The following PARD3B variants were observed in gnomAD, a reference collection of about 807,000 sequenced individuals.
The protein encoded by PARD3B is par-3 family cell polarity regulator beta.
PARD3B carries 103 observed loss-of-function variants against 130.2 expected under a neutral mutation model. The observed-to-expected ratio is 0.79, with a 90% CI of 0.67 to 0.93. The LOEUF (loss-of-function observed/expected upper bound fraction) is 0.93, where lower values mean the gene tolerates loss of function less well. PARD3B is among the 40% of genes least tolerant of loss of function. The pLI is 0.00. For synonymous variants in PARD3B, 583 were observed against 553.2 expected, an observed-to-expected ratio of 1.05 and a Z score of -0.76; for missense variants, 1,609 against 1,499.2, an observed-to-expected ratio of 1.07 and a Z score of -1.21.
chr2:205,062,747 G>T (rs933734479), intron 4 of PARD3B, among the ~76,000 whole-genome samples: 1 of 152,112 alleles, frequency 6.6e-6, no homozygotes, highest in Non-Finnish European at 1.5e-5. Context: ...TAAAGGTAAT[G>T]TACAGTATAT....
At chr2:204,667,084 A>G (rs1026248996) in intron 1 of PARD3B, among the ~76,000 whole-genome samples, 4 of 152,198 alleles carry the variant, frequency 2.6e-5, no homozygotes, top group African/African-American at 9.6e-5. Flanking sequence ...GGAAATGCTG[A>G]GTAGGCCATG....
chr2:204,560,456 G>A (rs1032631109), intron 1 of PARD3B, among the ~76,000 whole-genome samples: 6 of 152,072 alleles, frequency 3.9e-5, no homozygotes, highest in African/African-American at 1.4e-4. Context: ...AAGGTGCTTT[G>A]GGGCAAGGGG....
rs75455338 is a variant in PARD3B at position 204,557,178 on chromosome 2, C to T, written c.120+11059C>T. 6.6e-4 allele frequency among the ~76,000 whole-genome samples: 100 copies of T among 152,126 alleles called. No individual in the cohort carries two copies. In the East Asian group the frequency reaches 0.019, roughly 29 times the overall value. On this transcript the variant is annotated intron_variant, in intron 1 of 22. Transcript: ENST00000406610. The stretch of plus-strand genomic sequence containing the variant: ...CATTCACCACATGGCTTCACCTACC[C>T]GTAAATACACACTTCTAGCCCTGAA...
At chr2:205,209,888 T>C (rs1318119587) in intron 15 of PARD3B, among the ~76,000 whole-genome samples, 1 of 152,070 alleles carries the variant, frequency 6.6e-6, no homozygotes, top group African/African-American at 2.4e-5. Context: ...TTGTACATTT[T>C]AAAATAACTA....
At chr2:205,047,871 C>T in intron 4 of PARD3B, 181 bp downstream of exon 4, 1 of 470,866 alleles carries the variant, frequency 2.1e-6, no homozygotes, top group Non-Finnish European at 3.7e-6. Flanking sequence ...ATAGCGATAG[C>T]TATTACGTAT....
chr2:204,952,358 G>A (rs962575163), intron 2 of PARD3B, among the ~76,000 whole-genome samples: 1 of 152,126 alleles, frequency 6.6e-6, no homozygotes, highest in Non-Finnish European at 1.5e-5. Context: ...TCTCTTAAGG[G>A]ACTATCAAAG....
chr2:205,013,275 T>A (rs935468527), intron 3 of PARD3B, among the ~76,000 whole-genome samples: 1 of 152,222 alleles, frequency 6.6e-6, no homozygotes, highest in African/African-American at 2.4e-5. Context: ...CGGTGCTCTT[T>A]TGTTCGTCTG....
intron 4 of PARD3B, among the ~76,000 whole-genome samples, chr2:205,062,090 C>G (rs1335470023): frequency 6.6e-6 from 1 of 152,018 alleles, no homozygotes; most frequent in East Asian, 1.9e-4. Flanking sequence ...ACCTTCCTCA[C>G]TTGTTTACAG....
chr2:205,267,188 A>G (rs565720164), intron 16 of PARD3B, among the ~76,000 whole-genome samples: 2 of 152,198 alleles, frequency 1.3e-5, no homozygotes, highest in South Asian at 4.1e-4. Context: ...TCCCCATGCT[A>G]TTTCTCCATT....
intron 2 of PARD3B, among the ~76,000 whole-genome samples, chr2:204,922,135 G>T (rs565383715): frequency 2.9e-4 from 44 of 152,070 alleles, no homozygotes; most frequent in Non-Finnish European, 5.9e-4. Context: ...TATCTAAATG[G>T]CAAAGAACAC....
chr2:204,822,867 C>T (rs2043419678), intron 2 of PARD3B, among the ~76,000 whole-genome samples: 1 of 152,170 alleles, frequency 6.6e-6, no homozygotes, highest in Admixed American at 6.5e-5. Flanking sequence ...TAACTTTCCC[C>T]ATTTTTAAGG....
intron 2 of PARD3B, among the ~76,000 whole-genome samples, chr2:204,833,746 G>C (rs2043921626): frequency 6.6e-6 from 1 of 152,146 alleles, no homozygotes; most frequent in Non-Finnish European, 1.5e-5. Context: ...GGAACTGTGA[G>C]TCCATTAGAT....
chr2:204,568,110 G>C (rs2031784383), intron 1 of PARD3B, among the ~76,000 whole-genome samples: 1 of 152,168 alleles, frequency 6.6e-6, no homozygotes, highest in East Asian at 1.9e-4. Flanking sequence ...ACTTGAGAAA[G>C]AGTTTTGACT....
At chr2:204,935,697 T>C (rs1688401512) in intron 2 of PARD3B, among the ~76,000 whole-genome samples, 1 of 152,178 alleles carries the variant, frequency 6.6e-6, no homozygotes, top group Non-Finnish European at 1.5e-5. Context: ...TACATATTTG[T>C]TAAAAATAAG....
intron 4 of PARD3B, among the ~76,000 whole-genome samples, chr2:205,092,056 T>A (rs16836922): frequency 0.031 from 4,786 of 152,060 alleles, 246 homozygotes; most frequent in African/African-American, 0.11. Context: ...GATTACAGAG[T>A]TCCTAAAGCA....
chr2:205,073,443 C>T (rs1700861949), intron 4 of PARD3B, among the ~76,000 whole-genome samples: 1 of 152,098 alleles, frequency 6.6e-6, no homozygotes, highest in South Asian at 2.1e-4. Flanking sequence ...TTAAATGGAA[C>T]TAGACAACAT....
chr2:205,531,482 T>G (rs903251139), intron 21 of PARD3B, among the ~76,000 whole-genome samples: 1 of 152,196 alleles, frequency 6.6e-6, no homozygotes, highest in African/African-American at 2.4e-5. Flanking sequence ...ATATTGCATT[T>G]ATTAAGAAAT....
At chr2:204,910,357 G>A (rs1385477197) in intron 2 of PARD3B, among the ~76,000 whole-genome samples, 2 of 152,070 alleles carry the variant, frequency 1.3e-5, no homozygotes, top group African/African-American at 2.4e-5. Flanking sequence ...TTGTAGGGGA[G>A]GAGAATTATC....
chr2:205,152,716 G>T (rs761504109), intron 10 of PARD3B, among the ~76,000 whole-genome samples: 1 of 152,084 alleles, frequency 6.6e-6, no homozygotes, highest in African/African-American at 2.4e-5. Context: ...CCTTTAGCTC[G>T]GAGAAGTTTG....
Sources: allele counts gnomAD v4.1 joint callset (sites outside exome capture counted in the v4.1 genomes callset), GRCh38; gene constraint gnomAD v4.1.1; transcripts MANE v1.5; gene names NCBI Gene and HGNC (gene_info 2026-07-23, HGNC 2026-07-21).